EPB41: variants seen among roughly 807,000 people sequenced by gnomAD.
The protein encoded by EPB41 is erythrocyte membrane protein band 4.1.
EPB41 carries 65 observed loss-of-function variants against 108.0 expected under a neutral mutation model. That is an observed-to-expected ratio of 0.60 (90% CI 0.49 to 0.74). The LOEUF is 0.74. EPB41 is among the 30% of genes least tolerant of loss of function. The probability of loss-of-function intolerance (pLI) is 0.00; values close to 1 mark genes in which losing one functional copy is unlikely to be tolerated. For synonymous variants in EPB41, 336 were observed against 358.9 expected (o/e 0.94, Z 0.72); for missense variants, 875 against 1,037.0 (o/e 0.84, Z 2.15).
At chr1:28,889,826 G>A (rs925962552) in intron 1 of EPB41, 19 of 985,170 alleles carry the variant, frequency 1.9e-5, no homozygotes, top group African/African-American at 3.5e-5. Context: ...TCTTGAGCAC[G>A]TACTGTGCAC....
At chr1:29,097,660 G>A (rs1663692846) in intron 16 of EPB41, 147 bp from the exon 17 acceptor site, 12 of 898,602 alleles carry the variant, frequency 1.3e-5, no homozygotes, top group East Asian at 5.1e-5. Context: ...GAATACTGTC[G>A]AAGTCTTAGG....
At chr1:29,040,632 A>G (rs1558120033) in intron 11 of EPB41, among the ~76,000 whole-genome samples, 1 of 152,112 alleles carries the variant, frequency 6.6e-6, no homozygotes, top group Non-Finnish European at 1.5e-5. Flanking sequence ...ATGGATAGGA[A>G]ACTCCAATAT....
At chr1:28,963,895 A>G (rs909065829) in intron 1 of EPB41, among the ~76,000 whole-genome samples, 11 of 152,202 alleles carry the variant, frequency 7.2e-5, no homozygotes, top group Non-Finnish European at 1.5e-4. Context: ...CAGAACAGTC[A>G]TCCTTCAGTT....
Position 28,968,780 on chromosome 1 carries a change from A to G in EPB41, c.-7-18651A>G, listed in dbSNP as rs548642752. Among the ~76,000 whole-genome samples the G allele has an allele frequency of 4.9e-4, 74 of 152,184 alleles. 1 individual carries two copies. The South Asian group carries it at 0.015, about 31-fold the overall frequency. ...GAAGTTCGAGACCAGCCTGGCCAACATGGTGAGACCCCCGTCTCTACTAAA... is the reference window on the plus strand; with the variant it reads ...GAAGTTCGAGACCAGCCTGGCCAACGTGGTGAGACCCCCGTCTCTACTAAA... On this transcript the variant is annotated intron_variant, in intron 1 of 20. Coordinates refer to ENST00000343067, the MANE Select transcript of EPB41 (RefSeq NM_001376013.1).
chr1:29,085,204 A>G (rs1273498717), intron 16 of EPB41, among the ~76,000 whole-genome samples: 1 of 137,950 alleles, frequency 7.2e-6, no homozygotes, highest in African/African-American at 2.8e-5. Flanking sequence ...GTGCAGTGGC[A>G]TGACCTTGGC....
chr1:29,036,254 ATTTTTTT>A (rs71022387), intron 10 of EPB41, among the ~76,000 whole-genome samples: 2 of 106,354 alleles, frequency 1.9e-5, no homozygotes, highest in East Asian at 2.7e-4. Flanking sequence ...TCCACGTGTG[ATTTTTTT>A]TTTTTTTTTT....
intron 17 of EPB41, among the ~76,000 whole-genome samples, chr1:29,101,058 C>T (rs1665184113): frequency 6.6e-6 from 1 of 152,014 alleles, no homozygotes; most frequent in Non-Finnish European, 1.5e-5. Context: ...AACCCCATCT[C>T]TACTAAAAAT....
intron 1 of EPB41, among the ~76,000 whole-genome samples, chr1:28,986,267 G>A (rs1324872577): frequency 1.3e-5 from 2 of 152,272 alleles, no homozygotes; most frequent in East Asian, 3.9e-4. Flanking sequence ...AGTACTTTTA[G>A]TGATAGCAGT....
At chr1:28,892,380 G>T (rs1424627403) in intron 1 of EPB41, among the ~76,000 whole-genome samples, 2 of 152,110 alleles carry the variant, frequency 1.3e-5, no homozygotes, top group Non-Finnish European at 2.9e-5. Context: ...CTGTGAGGTG[G>T]ATACTAATAT....
chr1:29,068,800 G>T, intron 16 of EPB41: 1 of 1,232,044 alleles, frequency 8.1e-7, no homozygotes, highest in Non-Finnish European at 1.0e-6. Context: ...CTGCTGTTAT[G>T]ACTTGTGCTT....
chr1:28,983,209 A>G (rs1380139886), intron 1 of EPB41, among the ~76,000 whole-genome samples: 1 of 152,206 alleles, frequency 6.6e-6, no homozygotes, highest in Non-Finnish European at 1.5e-5. Flanking sequence ...AAAAATGTTA[A>G]TGGTTCACTT....
At chr1:28,971,371 A>G (rs1047984822) in intron 1 of EPB41, among the ~76,000 whole-genome samples, 2 of 150,896 alleles carry the variant, frequency 1.3e-5, no homozygotes, top group African/African-American at 4.9e-5. Context: ...TTTAGTAGAG[A>G]CTGGGTTTCA....
Position 29,091,494 on chromosome 1 carries a change from T to C in EPB41, c.2185-6313T>C, listed in dbSNP as rs146057077. Among the ~76,000 whole-genome samples, 680 of 152,306 alleles carry C rather than the reference T, an allele frequency of 4.5e-3. 4 individuals are homozygous for C. Among genetic ancestry groups the C allele is most frequent in the African/African-American group, 0.016 (646 of 41,580 alleles). ...AAAGTAGCATAGCATCTTAACAATA[T>C]GACAAATTCATTCTAGTGTCCCCCA... On this transcript the variant is annotated intron_variant, in intron 16 of 20. Coordinates refer to ENST00000343067, the MANE Select transcript of EPB41 (RefSeq NM_001376013.1).
intron 11 of EPB41, among the ~76,000 whole-genome samples, chr1:29,048,117 G>A (rs1643853598): frequency 6.6e-6 from 1 of 151,970 alleles, no homozygotes; most frequent in Middle Eastern, 3.4e-3. Context: ...TATTTATGGG[G>A]TACAAAGTAA....
intron 1 of EPB41, among the ~76,000 whole-genome samples, chr1:28,902,516 C>T (rs539762969): frequency 1.3e-5 from 2 of 152,232 alleles, no homozygotes; most frequent in African/African-American, 4.8e-5. Flanking sequence ...CTTCCCAGCT[C>T]GGGGTCCATG....
At chr1:28,897,112 C>G (rs1383770849) in intron 1 of EPB41, among the ~76,000 whole-genome samples, 1 of 152,180 alleles carries the variant, frequency 6.6e-6, no homozygotes, top group East Asian at 1.9e-4. Context: ...CCAGGGTACC[C>G]ACTCCTATCT....
intron 4 of EPB41, among the ~76,000 whole-genome samples, chr1:29,002,645 T>C (rs937083027): frequency 3.9e-5 from 6 of 152,158 alleles, no homozygotes; most frequent in African/African-American, 1.4e-4. Context: ...ATTGATTGTA[T>C]TTGGCAAGAC....
chr1:28,929,339 C>T (rs2148486918), intron 1 of EPB41, among the ~76,000 whole-genome samples: 1 of 151,782 alleles, frequency 6.6e-6, no homozygotes, highest in East Asian at 1.9e-4. Context: ...CATTCTCCTG[C>T]CTCAGCCTCC....
intron 11 of EPB41, 42 bp from the exon 12 acceptor site, chr1:29,053,062 T>C: frequency 6.2e-7 from 1 of 1,604,374 alleles, no homozygotes; most frequent in Non-Finnish European, 8.5e-7. Context: ...ATACAGTAGC[T>C]CTGGCCTTTA....
Sources: allele counts gnomAD v4.1 joint callset (sites outside exome capture counted in the v4.1 genomes callset), GRCh38; gene constraint gnomAD v4.1.1; transcripts MANE v1.5; gene names NCBI Gene and HGNC (gene_info 2026-07-23, HGNC 2026-07-21).